The following SRPX variants were observed in gnomAD, a reference collection of about 807,000 sequenced individuals.
SRPX encodes sushi repeat-containing protein SRPX.
Under a neutral mutation model 38.1 loss-of-function variants are expected in SRPX, and 24 were observed. The observed-to-expected ratio is 0.63, with a 90% CI of 0.46 to 0.89. SRPX has a LOEUF of 0.89. Among genes scored for constraint, SRPX ranks in the 40% least tolerant of loss-of-function variants. SRPX has a pLI of 0.00. For synonymous variants in SRPX, 184 were observed against 153.8 expected (o/e 1.20, Z -1.45); for missense variants, 416 against 377.8 (o/e 1.10, Z -0.84).
At chrX:38,157,569 T>C (rs1938156767) in intron 7 of SRPX, among the ~76,000 whole-genome samples, 1 of 111,827 alleles carries the variant, frequency 8.9e-6, no homozygotes, top group African/African-American at 3.3e-5. Context: ...GTGATTACAT[T>C]GGGCCCACTG....
intron 1 of SRPX, among the ~76,000 whole-genome samples, chrX:38,206,465 A>G (rs1200813050): frequency 3.6e-5 from 4 of 112,407 alleles, no homozygotes; most frequent in Middle Eastern, 4.6e-3. Flanking sequence ...AACAACCTCC[A>G]AGTGTCCATC....
intron 4 of SRPX, among the ~76,000 whole-genome samples, chrX:38,170,402 A>G (rs1045116013): frequency 8.0e-5 from 9 of 112,584 alleles, no homozygotes; most frequent in African/African-American, 2.9e-4. Context: ...AAGCCAAAAA[A>G]GTAAATAATA....
rs746119348 is a variant in SRPX at position 38,174,341 on chromosome X, C to A, written c.168G>T (p.Trp56Cys). 1.9e-6 allele frequency: 2 copies of A among 1,041,568 alleles called. No homozygotes were observed. The highest frequency in any genetic ancestry group is 6.6e-5 in the South Asian group (2 of 30,124). The allele number at this position is 1,041,568 out of a possible 1,213,427, so 85.8% of individuals were successfully genotyped here. Residue 56 changes from tryptophan (W) to cysteine (C), a missense_variant, in exon 3 of 10, where the codon TGG becomes TGT. Physicochemically the swap from Trp to Cys is radical, Grantham distance 215. Coordinates refer to ENST00000378533, the MANE Select transcript of SRPX (RefSeq NM_006307.5). ...CATACTTCACCTTGATGGGGGAGCA[C>A]CACGGGGTATCTACAAGTAGCAGAA... Reference protein sequence around the residue: ...YSHPRYKDTPWCSPIKVKYGD... With the variant: ...YSHPRYKDTPCCSPIKVKYGD...
chrX:38,155,221 T>C (rs911172384), intron 8 of SRPX, among the ~76,000 whole-genome samples: 1 of 112,414 alleles, frequency 8.9e-6, no homozygotes, highest in African/African-American at 3.2e-5. Context: ...CAAATATGTT[T>C]TACCAAAATT....
chrX:38,150,187 A>C (rs1010390616), intron 9 of SRPX, among the ~76,000 whole-genome samples: 2 of 112,371 alleles, frequency 1.8e-5, no homozygotes, highest in Non-Finnish European at 3.8e-5. Context: ...GTTGAAAAGC[A>C]CTGCTTTGGT....
intron 1 of SRPX, among the ~76,000 whole-genome samples, chrX:38,201,155 A>G (rs1939105940): frequency 2.7e-5 from 3 of 111,662 alleles, no homozygotes; most frequent in East Asian, 2.8e-4. Context: ...GTGTTTTCCA[A>G]TGATAAACAA....
intron 8 of SRPX, among the ~76,000 whole-genome samples, chrX:38,156,310 C>T (rs1938130751): frequency 9.0e-6 from 1 of 111,612 alleles, no homozygotes; most frequent in African/African-American, 3.3e-5. Flanking sequence ...CTGAGAAGGA[C>T]ACATTTCCCA....
At chrX:38,180,388 C>T (rs1938646504) in intron 1 of SRPX, among the ~76,000 whole-genome samples, 1 of 111,585 alleles carries the variant, frequency 9.0e-6, no homozygotes, top group African/African-American at 3.3e-5. Flanking sequence ...AAGTATTTCC[C>T]AGGAGTCCAG....
intron 1 of SRPX, among the ~76,000 whole-genome samples, chrX:38,189,028 A>G (rs757013844): frequency 1.3e-3 from 140 of 111,503 alleles, no homozygotes; most frequent in African/African-American, 4.5e-3. Flanking sequence ...CAGGGCATAG[A>G]TGTTATATCC....
intron 1 of SRPX, among the ~76,000 whole-genome samples, chrX:38,216,799 G>A (rs1011557187): frequency 8.9e-6 from 1 of 112,149 alleles, no homozygotes; most frequent in African/African-American, 3.2e-5. Flanking sequence ...ACATATTTGC[G>A]TTTACTAAGG....
At chrX:38,160,529 C>T (rs1319503378) in intron 6 of SRPX, among the ~76,000 whole-genome samples, 2 of 111,980 alleles carry the variant, frequency 1.8e-5, no homozygotes, top group African/African-American at 6.5e-5. Flanking sequence ...TTCTTTCATA[C>T]CAATGGTACT....
intron 1 of SRPX, among the ~76,000 whole-genome samples, chrX:38,182,206 A>T (rs6611177): frequency 0.37 from 41,054 of 111,257 alleles, 5,983 homozygotes; most frequent in East Asian, 0.69. Flanking sequence ...TTATGCAGCC[A>T]GTAAATGGTA....
rs1175777255 is a variant in SRPX at position 38,210,894 on chromosome X, C to A, written c.97+9802G>T. 3.6e-5 allele frequency among the ~76,000 whole-genome samples: 4 copies of A among 112,076 alleles called. No individual in the cohort carries two copies. In the East Asian group the frequency reaches 1.1e-3, roughly 31 times the overall value. On this transcript the variant is annotated intron_variant, in intron 1 of 9. Coordinates refer to ENST00000378533, the MANE Select transcript of SRPX (RefSeq NM_006307.5). ...TAAAAGGTAGGTGCTTATTTCATAT[C>A]TGTGATGGTGTTCAAGATTCTACAT...
At chrX:38,175,885 T>A (rs1256952812) in intron 2 of SRPX, among the ~76,000 whole-genome samples, 1 of 111,861 alleles carries the variant, frequency 8.9e-6, no homozygotes, top group East Asian at 2.8e-4. Context: ...TAAATTTTCC[T>A]TCCTCTAAGG....
At chrX:38,209,171 A>AT (rs1319297776) in intron 1 of SRPX, among the ~76,000 whole-genome samples, 1 of 110,136 alleles carries the variant, frequency 9.1e-6, no homozygotes, top group African/African-American at 3.3e-5. Context: ...GTAAACGATA[A>AT]TATCTATTTT....
chrX:38,206,815 A>G, intron 1 of SRPX, among the ~76,000 whole-genome samples: 1 of 111,892 alleles, frequency 8.9e-6, no homozygotes, highest in African/African-American at 3.2e-5. Flanking sequence ...CTGGCATCCA[A>G]ATACTACCGT....
At position 38,183,019 on chromosome X, in the gene SRPX, C is replaced by T. The variant is rs374012807; in HGVS notation, c.98-4675G>A. Among the ~76,000 whole-genome samples, 27 of 109,362 alleles carry T rather than the reference C, an allele frequency of 2.5e-4. No homozygotes were observed. The East Asian group carries it at 2.5e-3, about 10-fold the overall frequency. 95.0% of individuals were successfully genotyped at this position (109,362 alleles called of 115,157 possible). A position where few individuals can be genotyped will look rare whatever the true frequency, so the allele number is the denominator to read the frequency against. ...AACTGTATGCATATAAACTGATACA[C>T]AAATGAATGAAAACTTTACTGCATA... On this transcript the variant is annotated intron_variant, in intron 1 of 9. Coordinates refer to ENST00000378533, the MANE Select transcript of SRPX (RefSeq NM_006307.5).
chrX:38,149,964 G>A, intron 9 of SRPX, 70 bp from the exon 10 acceptor site: 1 of 938,022 alleles, frequency 1.1e-6, no homozygotes, highest in Non-Finnish European at 1.4e-6. Flanking sequence ...GGATCAACCA[G>A]AGCCTTACTG....
intron 8 of SRPX, among the ~76,000 whole-genome samples, chrX:38,155,575 G>T (rs1253756782): frequency 8.9e-6 from 1 of 112,302 alleles, no homozygotes; most frequent in Non-Finnish European, 1.9e-5. Flanking sequence ...TCATTGTAGT[G>T]CAAAAGCAGT....
Sources: allele counts gnomAD v4.1 joint callset (sites outside exome capture counted in the v4.1 genomes callset), GRCh38; gene constraint gnomAD v4.1.1; transcripts MANE v1.5; gene names NCBI Gene and HGNC (gene_info 2026-07-23, HGNC 2026-07-21).